Variants in NTN4 observed in about 807,000 individuals in gnomAD.
The protein encoded by NTN4 is netrin-4.
NTN4 carries 32 observed loss-of-function variants against 73.6 expected under a neutral mutation model. The ratio of observed to expected loss-of-function variants is 0.44; its 90% confidence interval spans 0.33 to 0.58. The LOEUF (loss-of-function observed/expected upper bound fraction) is 0.58. Among genes scored for constraint, NTN4 ranks in the 20% least tolerant of loss-of-function variants. NTN4 has a pLI of 0.04. For missense variants in NTN4, 654 were observed against 798.3 expected, an observed-to-expected ratio of 0.82 and a Z score of 2.18; for synonymous variants, 258 against 287.5, an observed-to-expected ratio of 0.90 and a Z score of 1.04.
chr12:95,767,256 A>G (rs1052423999), intron 2 of NTN4, among the ~76,000 whole-genome samples: 4 of 152,130 alleles, frequency 2.6e-5, no homozygotes, highest in African/African-American at 9.7e-5. Context: ...CTACCTTTCA[A>G]TTATTACCCA....
chr12:95,716,200 G>A (rs1052288904), intron 3 of NTN4, among the ~76,000 whole-genome samples: 12 of 152,092 alleles, frequency 7.9e-5, no homozygotes, highest in Admixed American at 7.9e-4. Flanking sequence ...GAGGGCATTA[G>A]GGAAAATGTT....
At position 95,787,175 on chromosome 12, in the gene NTN4, T is replaced by C. The variant is rs1013158857; in HGVS notation, c.349A>G (p.Ile117Val). The C allele has an allele frequency of 8.1e-6, 13 of 1,614,032 alleles. No individual in the cohort carries two copies. The highest frequency in any genetic ancestry group is 1.1e-5 in the South Asian group (1 of 91,088). ...QSAEDVHREK[I>V]QLDLEAEFYF... Reference sequence around the variant, plus strand: ...AATTCAGCTTCCAGGTCTAACTGGATCTTTTCTCTGTGCACATCCTCCGCA... The same window carrying C: ...AATTCAGCTTCCAGGTCTAACTGGACCTTTTCTCTGTGCACATCCTCCGCA... The change falls in exon 2 of 10, where the codon ATC (isoleucine) becomes GTC (valine). Residue 117 changes from isoleucine (I) to valine (V), a missense_variant. Physicochemically the swap from Ile to Val is conservative, Grantham distance 29 (BLOSUM62 3). Coordinates refer to ENST00000343702, the MANE Select transcript of NTN4 (RefSeq NM_021229.4).
At chr12:95,783,113 G>A (rs1350742667) in intron 2 of NTN4, among the ~76,000 whole-genome samples, 1 of 152,218 alleles carries the variant, frequency 6.6e-6, no homozygotes, top group Non-Finnish European at 1.5e-5. Flanking sequence ...AATGGACAGA[G>A]TCCTGATATC....
At chr12:95,714,611 A>G (rs765223878) in intron 3 of NTN4, among the ~76,000 whole-genome samples, 12 of 152,210 alleles carry the variant, frequency 7.9e-5, no homozygotes, top group South Asian at 2.1e-4. Flanking sequence ...TAAACAAGAC[A>G]ATAAACAAAT....
chr12:95,730,607 A>G (rs1188459572), intron 3 of NTN4, among the ~76,000 whole-genome samples: 1 of 152,162 alleles, frequency 6.6e-6, no homozygotes, highest in African/African-American at 2.4e-5. Context: ...AACACTAACA[A>G]TTTCCAGCCA....
Position 95,787,008 on chromosome 12 carries a change from A to G in NTN4, c.516T>C (p.Asp172=), listed in dbSNP as rs2121308105. 1 of 1,614,212 alleles carries G rather than the reference A, an allele frequency of 6.2e-7. No individual in the cohort carries two copies. Among genetic ancestry groups the G allele is most frequent in the Non-Finnish European group, 8.5e-7 (1 of 1,180,040 alleles). The change falls in exon 2 of 10, where the codon GAT becomes GAC. Residue 172 remains aspartate (D), a synonymous_variant. Coordinates refer to ENST00000343702, the MANE Select transcript of NTN4 (RefSeq NM_021229.4). ...TNCSATFGLE[D]DVVKKGAICT... ...AAATAGCGCCCTTCTTGACAACATCATCTTCCAGGCCAAATGTAGCGGAGC... is the reference window on the plus strand; with the variant it reads ...AAATAGCGCCCTTCTTGACAACATCGTCTTCCAGGCCAAATGTAGCGGAGC...
intron 3 of NTN4, among the ~76,000 whole-genome samples, chr12:95,726,485 T>C (rs2078694791): frequency 6.6e-6 from 1 of 152,248 alleles, no homozygotes; most frequent in African/African-American, 2.4e-5. Context: ...GTCCATTGTA[T>C]AGACATACCA....
At chr12:95,764,840 G>A (rs7315062) in intron 2 of NTN4, among the ~76,000 whole-genome samples, 85,156 of 151,992 alleles carry the variant, frequency 0.56, 24,122 homozygotes, top group East Asian at 0.68. Context: ...TCTTTTACAC[G>A]TTATAACTCC....
At chr12:95,677,345 T>C (rs1231204564) in intron 7 of NTN4, among the ~76,000 whole-genome samples, 1 of 150,872 alleles carries the variant, frequency 6.6e-6, no homozygotes, top group Non-Finnish European at 1.5e-5. Flanking sequence ...CGTCTACTCA[T>C]AGACACTGTG....
intron 5 of NTN4, among the ~76,000 whole-genome samples, chr12:95,707,946 G>A (rs1159551429): frequency 6.6e-6 from 1 of 152,056 alleles, no homozygotes; most frequent in African/African-American, 2.4e-5. Flanking sequence ...ATTTCTACTA[G>A]TGGTCTGAGG....
chr12:95,730,134 G>C (rs559131232), intron 3 of NTN4, among the ~76,000 whole-genome samples: 1 of 152,278 alleles, frequency 6.6e-6, no homozygotes, highest in South Asian at 2.1e-4. Context: ...CAAATTTATA[G>C]AACAAGTATT....
At chr12:95,760,802 A>G (rs114809129) in intron 2 of NTN4, among the ~76,000 whole-genome samples, 413 of 151,640 alleles carry the variant, frequency 2.7e-3, no homozygotes, top group African/African-American at 9.0e-3. Flanking sequence ...TTTCAAACTG[A>G]TAAGTTTTAA....
At chr12:95,705,294 A>C (rs1166568816) in intron 5 of NTN4, among the ~76,000 whole-genome samples, 1 of 152,104 alleles carries the variant, frequency 6.6e-6, no homozygotes. Flanking sequence ...CTATATCTAT[A>C]AATATCAACC....
chr12:95,691,577 G>T (rs1328927192), intron 5 of NTN4, among the ~76,000 whole-genome samples: 3 of 152,016 alleles, frequency 2.0e-5, no homozygotes, highest in Non-Finnish European at 1.5e-5. Context: ...GGTATTTTTA[G>T]TAGAGACGGG....
At chr12:95,698,973 C>T (rs2078462686) in intron 5 of NTN4, among the ~76,000 whole-genome samples, 1 of 149,048 alleles carries the variant, frequency 6.7e-6, no homozygotes, top group Non-Finnish European at 1.5e-5. Context: ...TATGACATAT[C>T]TATTTTCTCT....
chr12:95,745,643 T>C (rs2078856517), intron 2 of NTN4, among the ~76,000 whole-genome samples: 1 of 152,210 alleles, frequency 6.6e-6, no homozygotes, highest in Admixed American at 6.5e-5. Flanking sequence ...TGTCTGTTTC[T>C]ATTGATTTGT....
intron 9 of NTN4, among the ~76,000 whole-genome samples, chr12:95,660,940 T>C (rs988835894): frequency 6.6e-6 from 1 of 152,158 alleles, no homozygotes; most frequent in African/African-American, 2.4e-5. Context: ...AAGTTGAGCA[T>C]GGGACATCTT....
intron 2 of NTN4, among the ~76,000 whole-genome samples, chr12:95,769,550 C>CA (rs60702860): frequency 0.29 from 38,177 of 129,554 alleles, 7,080 homozygotes; most frequent in African/African-American, 0.51. Context: ...ATTTATAGAC[C>CA]AAAAAAAAAA....
At chr12:95,672,919 A>T (rs1351427808) in intron 7 of NTN4, 10 of 1,184,602 alleles carry the variant, frequency 8.4e-6, no homozygotes, top group Admixed American at 1.7e-5. Context: ...AGAGGCTATC[A>T]TGGAGCTGAA....
Sources: gnomAD v4.1 joint callset for allele counts (sites outside exome capture counted in the v4.1 genomes callset) on GRCh38, gnomAD v4.1.1 for gene constraint, MANE v1.5 for transcripts, NCBI Gene and HGNC (gene_info 2026-07-23, HGNC 2026-07-21) for gene names.